Variants in RHOJ observed in about 807,000 individuals in gnomAD.
RHOJ encodes rho-related GTP-binding protein RhoJ.
RHOJ carries 11 observed loss-of-function variants against 23.4 expected under a neutral mutation model. That is an observed-to-expected ratio of 0.47 (90% CI 0.30 to 0.78). The LOEUF (loss-of-function observed/expected upper bound fraction) is 0.78, where lower values mean the gene tolerates loss of function less well. Ranked by LOEUF, RHOJ falls within the 30% of genes least tolerant of loss-of-function variation. The pLI, the probability that RHOJ is intolerant of heterozygous loss-of-function variation, is 0.08. For synonymous variants in RHOJ, 102 were observed against 102.7 expected, an observed-to-expected ratio of 0.99 and a Z score of 0.04; for missense variants, 254 against 273.4, an observed-to-expected ratio of 0.93 and a Z score of 0.50.
chr14:63,287,465 T>C (rs969382241), intron 4 of RHOJ, among the ~76,000 whole-genome samples: 6 of 152,222 alleles, frequency 3.9e-5, no homozygotes, highest in Admixed American at 1.3e-4. Context: ...CTCTCAGACA[T>C]GTCTACAGCT....
intron 1 of RHOJ, among the ~76,000 whole-genome samples, chr14:63,220,870 A>G (rs1380429814): frequency 6.6e-6 from 1 of 152,200 alleles, no homozygotes; most frequent in Non-Finnish European, 1.5e-5. Flanking sequence ...TCAATGGCTA[A>G]TGATACAGAA....
At chr14:63,241,737 C>G (rs895934046) in intron 1 of RHOJ, among the ~76,000 whole-genome samples, 2 of 152,156 alleles carry the variant, frequency 1.3e-5, no homozygotes, top group African/African-American at 4.8e-5. Flanking sequence ...AAAGCCCCAT[C>G]GGCACTGGTT....
chr14:63,280,930 C>T (rs1281555455), intron 2 of RHOJ, 41 bp from the exon 3 acceptor site: 23 of 1,583,666 alleles, frequency 1.5e-5, no homozygotes, highest in Non-Finnish European at 2.0e-5. Flanking sequence ...TGGGACACAC[C>T]TTACACAGGC....
intron 1 of RHOJ, among the ~76,000 whole-genome samples, chr14:63,226,126 G>T (rs1277450459): frequency 6.6e-6 from 1 of 151,996 alleles, no homozygotes; most frequent in Non-Finnish European, 1.5e-5. Context: ...GCACTTAAAG[G>T]TGCCAGAAGA....
At chr14:63,264,489 T>C (rs960916676) in intron 1 of RHOJ, among the ~76,000 whole-genome samples, 1 of 152,384 alleles carries the variant, frequency 6.6e-6, no homozygotes, top group South Asian at 2.1e-4. Context: ...TACAAGTGCA[T>C]ATGTCTTTTT....
chr14:63,279,795 T>A (rs970772998), intron 2 of RHOJ, among the ~76,000 whole-genome samples: 2 of 152,244 alleles, frequency 1.3e-5, no homozygotes, highest in Admixed American at 6.5e-5. Flanking sequence ...TATTGTGGTG[T>A]CAAATTTGGC....
intron 1 of RHOJ, among the ~76,000 whole-genome samples, chr14:63,227,982 C>T (rs374501192): frequency 1.3e-5 from 2 of 152,210 alleles, no homozygotes; most frequent in East Asian, 1.9e-4. Context: ...TTTTATGCCC[C>T]GTTAAGTTAT....
At chr14:63,261,631 G>T (rs1189825254) in intron 1 of RHOJ, among the ~76,000 whole-genome samples, 1 of 151,074 alleles carries the variant, frequency 6.6e-6, no homozygotes, top group East Asian at 2.0e-4. Context: ...TGTAGAGATG[G>T]GGTCTCACTT....
At chr14:63,265,766 G>A (rs1895356306) in intron 1 of RHOJ, among the ~76,000 whole-genome samples, 1 of 152,210 alleles carries the variant, frequency 6.6e-6, no homozygotes, top group Non-Finnish European at 1.5e-5. Flanking sequence ...CATGTAAGGT[G>A]TACGTTGGTT....
intron 1 of RHOJ, among the ~76,000 whole-genome samples, chr14:63,223,613 C>T (rs948432070): frequency 6.6e-5 from 10 of 152,014 alleles, no homozygotes; most frequent in African/African-American, 2.4e-4. Flanking sequence ...GTGAATATCC[C>T]AACCTTGAAT....
At chr14:63,263,097 G>C (rs982877914) in intron 1 of RHOJ, among the ~76,000 whole-genome samples, 2 of 152,150 alleles carry the variant, frequency 1.3e-5, no homozygotes, top group Non-Finnish European at 2.9e-5. Context: ...CTTCTCACAA[G>C]TACTTTCTTT....
intron 1 of RHOJ, among the ~76,000 whole-genome samples, chr14:63,234,403 C>A (rs1169165941): frequency 6.6e-6 from 1 of 152,182 alleles, no homozygotes; most frequent in Non-Finnish European, 1.5e-5. Context: ...TCCTAATATA[C>A]TGCCTGATAT....
chr14:63,213,654 G>C (rs1165718124), intron 1 of RHOJ, among the ~76,000 whole-genome samples: 1 of 152,156 alleles, frequency 6.6e-6, no homozygotes, highest in Non-Finnish European at 1.5e-5. Flanking sequence ...TATATACCCA[G>C]TAATAGGATT....
Position 63,205,081 on chromosome 14 carries a change from C to A in RHOJ, c.178+34C>A, listed in dbSNP as rs200554721. On this transcript the variant is annotated intron_variant, in intron 1 of 4. Coordinates refer to ENST00000316754, the MANE Select transcript of RHOJ (RefSeq NM_020663.5). The stretch of plus-strand genomic sequence containing the variant: ...AAGTGGGAAACTCTCTGCATCCAGA[C>A]AAACGATGCAGGGGGCGAGACCCTA... 10 of 1,594,600 alleles carry A rather than the reference C, an allele frequency of 6.3e-6. No homozygotes were observed. In the African/African-American group the frequency reaches 9.4e-5, roughly 15 times the overall value.
At position 63,259,707 on chromosome 14, in the gene RHOJ, ATAAT is replaced by A. The variant is rs1337625870; in HGVS notation, c.179-9399_179-9396del. The stretch of plus-strand genomic sequence containing the variant: ...ATCATATATACAATCCTCCCCAATC[ATAAT>A]TAACCATCAAATGTGAATCAGCAGA... On this transcript the variant is annotated intron_variant, in intron 1 of 4. Coordinates refer to ENST00000316754, the MANE Select transcript of RHOJ (RefSeq NM_020663.5). Among the ~76,000 whole-genome samples the A allele has an allele frequency of 8.5e-5, 13 of 152,310 alleles. No individual in the cohort carries two copies. In the South Asian group the frequency reaches 2.5e-3, roughly 29 times the overall value.
chr14:63,256,840 G>A (rs997117841), intron 1 of RHOJ, among the ~76,000 whole-genome samples: 3 of 152,158 alleles, frequency 2.0e-5, no homozygotes, highest in African/African-American at 7.2e-5. Context: ...TTGGGAGGTC[G>A]AGGCAGGCGG....
chr14:63,290,968 C>A lies in RHOJ; in HGVS notation c.589C>A (p.Pro197Thr). The part of the protein sequence containing the change: ...FDEAILTIFH[P>T]KKKKKRCSEG... ...TGAAGCAATCCTCACCATTTTCCAC[C>A]CCAAGAAAAAGAAGAAACGCTGTTC... The change falls in exon 5 of 5, where the codon CCC (proline) becomes ACC (threonine). Residue 197 changes from proline (P) to threonine (T), a missense_variant. By Grantham distance (38) the Pro-to-Thr change is conservative (BLOSUM62 -1). Coordinates refer to ENST00000316754, the MANE Select transcript of RHOJ (RefSeq NM_020663.5). 6.2e-7 allele frequency: 1 copy of A among 1,614,086 alleles called. No individual in the cohort carries two copies. Among genetic ancestry groups the A allele is most frequent in the Non-Finnish European group, 8.5e-7 (1 of 1,180,002 alleles).
intron 1 of RHOJ, among the ~76,000 whole-genome samples, chr14:63,225,358 G>A (rs1039221958): frequency 2.0e-5 from 3 of 152,092 alleles, no homozygotes; most frequent in Admixed American, 1.3e-4. Context: ...GGTTATATTT[G>A]CTATTGAAGA....
intron 1 of RHOJ, among the ~76,000 whole-genome samples, chr14:63,265,353 G>C (rs1895347944): frequency 6.6e-6 from 1 of 151,956 alleles, no homozygotes; most frequent in Non-Finnish European, 1.5e-5. Context: ...TTTATTTCTG[G>C]GTTCTCTATT....
Sources: gnomAD v4.1 joint callset for allele counts (sites outside exome capture counted in the v4.1 genomes callset) on GRCh38, gnomAD v4.1.1 for gene constraint, MANE v1.5 for transcripts, NCBI Gene and HGNC (gene_info 2026-07-23, HGNC 2026-07-21) for gene names.